The following TFPI variants were observed in gnomAD, a reference collection of about 807,000 sequenced individuals.
TFPI encodes anti-convertin.
TFPI carries 15 observed loss-of-function variants against 34.6 expected under a neutral mutation model. The ratio of observed to expected loss-of-function variants is 0.43; its 90% CI spans 0.29 to 0.67. The LOEUF is 0.67. Among genes scored for constraint, TFPI ranks in the 30% least tolerant of loss-of-function variants. The pLI, the probability that TFPI is intolerant of heterozygous loss-of-function variation, is 0.15. For missense variants in TFPI, 301 were observed against 364.0 expected (o/e 0.83, Z 1.41); for synonymous variants, 105 against 120.1 (o/e 0.87, Z 0.82).
chr2:187,547,834 C>G (rs1278002545), intron 1 of TFPI: 1 of 152,112 alleles, frequency 6.6e-6, no homozygotes, highest in Admixed American at 6.5e-5. Context: ...TCTTTCTTAT[C>G]AAAGTCCTAC....
chr2:187,500,911 A>C (rs1685807379), intron 2 of TFPI, among the ~76,000 whole-genome samples: 1 of 152,210 alleles, frequency 6.6e-6, no homozygotes, highest in South Asian at 2.1e-4. Context: ...CCATGCGTCA[A>C]GCACTGTGCT....
At chr2:187,508,493 T>A (rs1345861888) in intron 1 of TFPI, among the ~76,000 whole-genome samples, 1 of 152,158 alleles carries the variant, frequency 6.6e-6, no homozygotes, top group Non-Finnish European at 1.5e-5. Context: ...CTTGAGCAGT[T>A]GTTTCTAGAT....
intron 6 of TFPI, among the ~76,000 whole-genome samples, chr2:187,469,396 G>T (rs975674508): frequency 7.2e-5 from 11 of 152,082 alleles, no homozygotes; most frequent in African/African-American, 2.7e-4. Flanking sequence ...TTTGTAAAAT[G>T]AAAACATCGT....
chr2:187,481,964 T>G (rs1174459744), intron 6 of TFPI, among the ~76,000 whole-genome samples: 1 of 151,766 alleles, frequency 6.6e-6, no homozygotes, highest in Non-Finnish European at 1.5e-5. Context: ...CAATTTTCAA[T>G]GTGCATCTAC....
rs914284592 is a variant in TFPI at position 187,466,161 on chromosome 2, G to A, written c.*775C>T. 1 of 152,112 alleles carries A rather than the reference G, an allele frequency of 6.6e-6. No homozygotes were observed. The highest frequency in any genetic ancestry group is 6.6e-5 in the Admixed American group (1 of 15,262). The allele number at this position is 152,112 out of a possible 1,614,324, so 9.4% of individuals were successfully genotyped here. On this transcript the variant is annotated 3_prime_UTR_variant, in exon 8 of 8. Coordinates refer to ENST00000233156, the MANE Select transcript of TFPI (RefSeq NM_006287.6). ...ATATTGGGAAGCATAGTATTAAGAA[G>A]TACATATAAATAATTCCCTCTCGAT...
In TFPI at chr2:187,467,824, T is replaced by A. The variant is rs1691800027; in HGVS notation, c.737A>T (p.Lys246Met). The A allele has an allele frequency of 6.2e-7, 1 of 1,612,964 alleles. No homozygotes were observed. The highest frequency in any genetic ancestry group is 1.3e-5 in the African/African-American group (1 of 74,998). ...TTCATTTCCCCCACATCCACTGTAC[T>A]TAAATGGGCGGCATTTCCCAATGAC... Reference protein sequence around the residue: ...NSVIGKCRPFKYSGCGGNENN... With the variant: ...NSVIGKCRPFMYSGCGGNENN... Residue 246 changes from lysine (K) to methionine (M), a missense_variant, in exon 7 of 8, where the codon AAG (lysine) becomes ATG (methionine). Coordinates refer to ENST00000233156, the MANE Select transcript of TFPI (RefSeq NM_006287.6).
At chr2:187,531,941 T>C (rs1434651863) in intron 1 of TFPI, among the ~76,000 whole-genome samples, 1 of 152,134 alleles carries the variant, frequency 6.6e-6, no homozygotes, top group East Asian at 1.9e-4. Flanking sequence ...TTTTTCAAAA[T>C]TGGAGGATTC....
intron 3 of TFPI, among the ~76,000 whole-genome samples, chr2:187,492,109 A>G (rs1458293839): frequency 3.9e-5 from 6 of 152,096 alleles, no homozygotes; most frequent in African/African-American, 1.4e-4. Flanking sequence ...CTTTTGTCCA[A>G]TACACAGTTT....
At chr2:187,510,492 A>G (rs565647528) in intron 1 of TFPI, among the ~76,000 whole-genome samples, 5 of 152,302 alleles carry the variant, frequency 3.3e-5, no homozygotes, top group African/African-American at 1.2e-4. Context: ...CCTTCTACTA[A>G]GAGAGGAGAC....
chr2:187,518,148 T>C (rs1213223024), intron 1 of TFPI: 4 of 152,218 alleles, frequency 2.6e-5, no homozygotes, highest in Non-Finnish European at 5.9e-5. Flanking sequence ...ACATTTAAGG[T>C]TAATATTGCT....
intron 1 of TFPI, chr2:187,544,547 G>C (rs1369754924): frequency 4.0e-5 from 6 of 151,524 alleles, no homozygotes; most frequent in Non-Finnish European, 8.8e-5. Flanking sequence ...TTTACTAAAA[G>C]ACTGGCTAGC....
At chr2:187,474,023 G>A (rs8176557) in intron 6 of TFPI, among the ~76,000 whole-genome samples, 1,959 of 152,138 alleles carry the variant, frequency 0.013, 43 homozygotes, top group African/African-American at 0.044. Flanking sequence ...GTAATCCATG[G>A]ACAGAGTCCA....
At chr2:187,474,876 A>G (rs1030391721) in intron 6 of TFPI, among the ~76,000 whole-genome samples, 1 of 152,186 alleles carries the variant, frequency 6.6e-6, no homozygotes, top group African/African-American at 2.4e-5. Flanking sequence ...ATTGTAGACT[A>G]TGTCCATGGG....
intron 1 of TFPI, among the ~76,000 whole-genome samples, chr2:187,537,100 G>A (rs1410758580): frequency 6.6e-6 from 1 of 152,060 alleles, no homozygotes; most frequent in African/African-American, 2.4e-5. Context: ...ACAAACAAAT[G>A]GAAAAACAGT....
intron 1 of TFPI, among the ~76,000 whole-genome samples, chr2:187,546,287 T>TG (rs1688856501): frequency 6.6e-6 from 1 of 151,728 alleles, no homozygotes; most frequent in African/African-American, 2.4e-5. Flanking sequence ...TGTAAGTTTT[T>TG]TTTTTTTTTT....
At chr2:187,497,099 A>C in intron 2 of TFPI, 21 bp from the exon 3 acceptor site, 1 of 1,591,816 alleles carries the variant, frequency 6.3e-7, no homozygotes, top group Non-Finnish European at 8.6e-7. Flanking sequence ...AAAATAAAAG[A>C]TATAACATGT....
At chr2:187,553,341 G>C (rs529153179) in intron 1 of TFPI, among the ~76,000 whole-genome samples, 1 of 152,154 alleles carries the variant, frequency 6.6e-6, no homozygotes, top group East Asian at 1.9e-4. Flanking sequence ...AGAGCACTGA[G>C]TCACAGTGTG....
At chr2:187,515,655 G>C (rs1686952046) in intron 1 of TFPI, 1 of 152,158 alleles carries the variant, frequency 6.6e-6, no homozygotes, top group Non-Finnish European at 1.5e-5. Context: ...TGTACAGTAA[G>C]GACTTCAACT....
chr2:187,527,339 C>A (rs1218320099), intron 1 of TFPI: 3 of 152,088 alleles, frequency 2.0e-5, no homozygotes, highest in Non-Finnish European at 4.4e-5. Flanking sequence ...ACTAGATTTC[C>A]AACTGTATTT....
Sources: gnomAD v4.1 joint callset for allele counts (sites outside exome capture counted in the v4.1 genomes callset) on GRCh38, gnomAD v4.1.1 for gene constraint, MANE v1.5 for transcripts, NCBI Gene and HGNC (gene_info 2026-07-23, HGNC 2026-07-21) for gene names.